FOXP1: variants seen among roughly 807,000 people sequenced by gnomAD.
FOXP1 encodes forkhead box protein P1.
In FOXP1, 15 loss-of-function variants were observed where a neutral mutation model predicts 98.2. That is an observed-to-expected ratio of 0.15 (90% CI 0.10 to 0.24). The LOEUF is 0.24. Ranked by LOEUF, FOXP1 falls within the 10% of genes least tolerant of loss-of-function variation. FOXP1 has a pLI of 1.00. For missense variants in FOXP1, 633 were observed against 848.5 expected (o/e 0.75, Z 3.15); for synonymous variants, 371 against 314.5 (o/e 1.18, Z -1.90).
chr3:71,353,453 G>A (rs1354811071), intron 4 of FOXP1, among the ~76,000 whole-genome samples: 2 of 151,988 alleles, frequency 1.3e-5, no homozygotes, highest in Non-Finnish European at 2.9e-5. Context: ...CCACTCTGAG[G>A]GTTATCATGA....
intron 6 of FOXP1, among the ~76,000 whole-genome samples, chr3:71,144,701 C>A (rs1176633045): frequency 6.6e-6 from 1 of 151,980 alleles, no homozygotes; most frequent in African/African-American, 2.4e-5. Context: ...TTTGGACTGA[C>A]ACATTGATTT....
At chr3:71,328,256 CCGTT>C (rs1197762595) in intron 4 of FOXP1, among the ~76,000 whole-genome samples, 17 of 151,914 alleles carry the variant, frequency 1.1e-4, no homozygotes, top group Non-Finnish European at 2.5e-4. Flanking sequence ...TGGTAAAACC[CCGTT>C]TCTACCAAAG....
At chr3:71,051,113 T>G (rs2049827323) in intron 9 of FOXP1, among the ~76,000 whole-genome samples, 1 of 152,212 alleles carries the variant, frequency 6.6e-6, no homozygotes, top group Admixed American at 6.5e-5. Flanking sequence ...AAAACAAAGC[T>G]GAGAGCCTTC....
chr3:70,994,840 C>T (rs1020126152), intron 13 of FOXP1, among the ~76,000 whole-genome samples: 4 of 152,136 alleles, frequency 2.6e-5, no homozygotes, highest in Middle Eastern at 3.2e-3. Flanking sequence ...GGGAGCCTGT[C>T]CTGAACCTGC....
At chr3:71,000,165 C>G (rs1189886830) in intron 13 of FOXP1, among the ~76,000 whole-genome samples, 1 of 151,896 alleles carries the variant, frequency 6.6e-6, no homozygotes, top group Non-Finnish European at 1.5e-5. Flanking sequence ...TCAAGTTATA[C>G]CCGGAAGTAG....
intron 5 of FOXP1, among the ~76,000 whole-genome samples, chr3:71,211,337 C>G (rs1172965467): frequency 6.6e-6 from 1 of 152,148 alleles, no homozygotes; most frequent in African/African-American, 2.4e-5. Flanking sequence ...TCCCGAGTAG[C>G]TGGGATTACA....
At chr3:71,220,485 C>T (rs1337423889) in intron 5 of FOXP1, among the ~76,000 whole-genome samples, 4 of 152,294 alleles carry the variant, frequency 2.6e-5, no homozygotes, top group Admixed American at 1.3e-4. Context: ...CCCTGGCTTA[C>T]GCCTGTAATC....
At chr3:71,299,385 G>A (rs1208432455) in intron 5 of FOXP1, among the ~76,000 whole-genome samples, 1 of 152,172 alleles carries the variant, frequency 6.6e-6, no homozygotes, top group Non-Finnish European at 1.5e-5. Flanking sequence ...ATTTCTGAAA[G>A]AAGGTGATTA....
intron 11 of FOXP1, among the ~76,000 whole-genome samples, chr3:71,034,329 G>C (rs2047293987): frequency 6.6e-6 from 1 of 152,032 alleles, no homozygotes; most frequent in African/African-American, 2.4e-5. Flanking sequence ...AGGTGGTCTG[G>C]GGAGCAGCCC....
intron 14 of FOXP1, among the ~76,000 whole-genome samples, chr3:70,979,233 G>A (rs1322491424): frequency 1.7e-5 from 2 of 119,834 alleles, no homozygotes; most frequent in African/African-American, 6.5e-5. Flanking sequence ...AGTGAGCTGA[G>A]ATCACCACTG....
At chr3:70,993,489 T>C (rs540898284) in intron 13 of FOXP1, among the ~76,000 whole-genome samples, 29 of 152,346 alleles carry the variant, frequency 1.9e-4, no homozygotes, top group South Asian at 1.4e-3. Context: ...TTATTCGCCA[T>C]TGGCATTAAA....
chr3:71,085,348 C>G (rs2054923011), intron 7 of FOXP1, among the ~76,000 whole-genome samples: 1 of 152,112 alleles, frequency 6.6e-6, no homozygotes. Context: ...TAGGGTCTCC[C>G]TGTGTTACCC....
chr3:71,532,507 G>T (rs1430967286), intron 2 of FOXP1, among the ~76,000 whole-genome samples: 1 of 152,186 alleles, frequency 6.6e-6, no homozygotes, highest in East Asian at 1.9e-4. Context: ...ACCCAAAACT[G>T]TTGGCAAGAC....
intron 3 of FOXP1, among the ~76,000 whole-genome samples, chr3:71,403,963 C>A (rs2108226843): frequency 6.6e-6 from 1 of 152,024 alleles, no homozygotes; most frequent in East Asian, 1.9e-4. Flanking sequence ...TGTAAAATTC[C>A]ATTTTATTTG....
chr3:70,958,170 G>T lies in FOXP1; in HGVS notation c.*1077C>A. ...CTATGTTTCCTTGTGCTGGTAGAAT[G>T]TGGTGGCATTTATTAATGGTTGCTG... is the stretch of plus-strand genomic sequence containing the variant. On this transcript the variant is annotated 3_prime_UTR_variant, in exon 21 of 21. Transcript: ENST00000649528. 5.2e-6 allele frequency: 2 copies of T among 388,200 alleles called. No individual in the cohort carries two copies. Among genetic ancestry groups the T allele is most frequent in the Non-Finnish European group, 9.8e-6 (2 of 204,106 alleles). 24.0% of individuals were successfully genotyped at this position (388,200 alleles called of 1,614,324 possible).
At chr3:71,363,160 G>C (rs2078688971) in intron 3 of FOXP1, among the ~76,000 whole-genome samples, 1 of 151,626 alleles carries the variant, frequency 6.6e-6, no homozygotes, top group Non-Finnish European at 1.5e-5. Context: ...TCTATTAAAG[G>C]TGTTAAAAAA....
intron 4 of FOXP1, among the ~76,000 whole-genome samples, chr3:71,327,864 A>T (rs1473854487): frequency 6.6e-6 from 1 of 152,220 alleles, no homozygotes; most frequent in African/African-American, 2.4e-5. Flanking sequence ...TTTCAAAATA[A>T]GGCGCATATA....
intron 2 of FOXP1, among the ~76,000 whole-genome samples, chr3:71,506,671 C>G (rs902472329): frequency 6.6e-6 from 1 of 151,928 alleles, no homozygotes; most frequent in Non-Finnish European, 1.5e-5. Context: ...CTGGGGGAAG[C>G]TGGTCCTTCC....
At chr3:71,190,005 A>G (rs1312781279) in intron 6 of FOXP1, among the ~76,000 whole-genome samples, 1 of 152,184 alleles carries the variant, frequency 6.6e-6, no homozygotes, top group Non-Finnish European at 1.5e-5. Context: ...ATGTCAGACC[A>G]ACTGCAGTAG....
Sources: gnomAD v4.1 joint callset for allele counts (sites outside exome capture counted in the v4.1 genomes callset) on GRCh38, gnomAD v4.1.1 for gene constraint, MANE v1.5 for transcripts, NCBI Gene and HGNC (gene_info 2026-07-23, HGNC 2026-07-21) for gene names.